RBX1: variants seen among roughly 807,000 people sequenced by gnomAD.
RBX1 encodes the protein ring-box 1, also known as E3 ubiquitin-protein ligase RBX1.
For synonymous variants in RBX1, 48 were observed against 47.9 expected (o/e 1.00, Z -0.01); for missense variants, 46 against 141.4 (o/e 0.33, Z 3.42).
intron 3 of RBX1, among the ~76,000 whole-genome samples, chr22:40,964,680 G>A (rs1225502017): frequency 1.3e-5 from 2 of 152,198 alleles, no homozygotes; most frequent in African/African-American, 4.8e-5. Flanking sequence ...GTTCTAGCAT[G>A]TGTTAAAAAT....
chr22:40,961,935 C>A (rs909708917), intron 2 of RBX1, among the ~76,000 whole-genome samples: 1 of 152,060 alleles, frequency 6.6e-6, no homozygotes, highest in African/African-American at 2.4e-5. Flanking sequence ...CAGATATCCA[C>A]CACCATGCCT....
intron 3 of RBX1, among the ~76,000 whole-genome samples, chr22:40,964,731 ATTGTC>A (rs1483154854): frequency 1.3e-5 from 2 of 152,144 alleles, no homozygotes; most frequent in African/African-American, 4.8e-5. Flanking sequence ...ATGAGCTAAA[ATTGTC>A]TTGTCAGGGC....
Position 40,953,749 on chromosome 22 carries a change from C to T in RBX1, c.157+116C>T, listed in dbSNP as rs1392611505. The T allele has an allele frequency of 9.9e-6, 7 of 709,198 alleles. No individual in the cohort carries two copies. In the East Asian group the frequency reaches 1.7e-4, roughly 17 times the overall value. 43.9% of individuals were successfully genotyped at this position (709,198 alleles called of 1,614,324 possible). On this transcript the variant is annotated intron_variant, in intron 2 of 4. Transcript: ENST00000216225. ...AGATAGCAAGCCTACTCTGAGCACT[C>T]GGTCTTCTGTATCTAGTCTGTTGGT...
intron 3 of RBX1, among the ~76,000 whole-genome samples, chr22:40,965,497 G>A (rs900270990): frequency 1.3e-5 from 2 of 151,024 alleles, no homozygotes; most frequent in African/African-American, 4.9e-5. Context: ...CTGGAGCGCA[G>A]TGACGCAGTC....
At chr22:40,971,006 A>G (rs571262641) in intron 4 of RBX1, among the ~76,000 whole-genome samples, 76 of 152,292 alleles carry the variant, frequency 5.0e-4, no homozygotes, top group Non-Finnish European at 8.1e-4. Context: ...CTTGCATTCT[A>G]CAGGGAACCA....
In RBX1 at chr22:40,972,542, C is replaced by T; in HGVS notation, c.*54C>T. Reference sequence around the variant, plus strand: ...GTTTTGTTATTCATTTAATGACTTTCCCTGCTGTTACCTAATTACAAATTG... The same window carrying T: ...GTTTTGTTATTCATTTAATGACTTTTCCTGCTGTTACCTAATTACAAATTG... On this transcript the variant is annotated 3_prime_UTR_variant, in exon 5 of 5. Transcript: ENST00000216225. The T allele has an allele frequency of 7.0e-7, 1 of 1,435,456 alleles. No individual in the cohort carries two copies. Among genetic ancestry groups the T allele is most frequent in the Non-Finnish European group, 9.8e-7 (1 of 1,020,758 alleles). The allele number at this position is 1,435,456 out of a possible 1,614,324, so 88.9% of individuals were successfully genotyped here.
chr22:40,971,188 T>G (rs926515424), intron 4 of RBX1, among the ~76,000 whole-genome samples: 26 of 152,310 alleles, frequency 1.7e-4, no homozygotes, highest in South Asian at 1.0e-3. Context: ...GAAGAATTCC[T>G]TATCTGGGGC....
intron 2 of RBX1, among the ~76,000 whole-genome samples, chr22:40,954,880 G>A (rs1325825256): frequency 6.6e-6 from 1 of 151,938 alleles, no homozygotes; most frequent in East Asian, 1.9e-4. Context: ...TCCGCCTCCC[G>A]AGTTCAAGTG....
At chr22:40,958,883 G>C (rs56080538) in intron 2 of RBX1, among the ~76,000 whole-genome samples, 60,141 of 151,788 alleles carry the variant, frequency 0.4, 13,840 homozygotes, top group East Asian at 0.74. Context: ...GCATGATCTC[G>C]GTGCACTGCA....
intron 2 of RBX1, among the ~76,000 whole-genome samples, chr22:40,959,767 C>T (rs1201374368): frequency 6.6e-6 from 1 of 152,082 alleles, no homozygotes; most frequent in African/African-American, 2.4e-5. Context: ...GCCAAGATTG[C>T]ACCAGTGCCC....
At chr22:40,954,085 A>G (rs1254461491) in intron 2 of RBX1, among the ~76,000 whole-genome samples, 1 of 152,172 alleles carries the variant, frequency 6.6e-6, no homozygotes, top group Non-Finnish European at 1.5e-5. Flanking sequence ...CCTGGCCAAC[A>G]TGGTGAAACC....
intron 2 of RBX1, among the ~76,000 whole-genome samples, chr22:40,958,830 T>TTGTC: frequency 6.6e-6 from 1 of 151,890 alleles, no homozygotes; most frequent in Non-Finnish European, 1.5e-5. Flanking sequence ...TTTGGTTTGT[T>TTGTC]TGAGACAGAG....
chr22:40,965,030 C>T (rs1174134038), intron 3 of RBX1, among the ~76,000 whole-genome samples: 4 of 152,202 alleles, frequency 2.6e-5, no homozygotes, highest in Non-Finnish European at 4.4e-5. Flanking sequence ...ATAGGCCGGA[C>T]GCGGTGGCTC....
chr22:40,951,620 C>A, intron 1 of RBX1, 144 bp downstream of exon 1: 1 of 764,194 alleles, frequency 1.3e-6, no homozygotes, highest in South Asian at 1.8e-5. Context: ...AGCCGGGGGG[C>A]GGGTCTTAGA....
intron 4 of RBX1, among the ~76,000 whole-genome samples, chr22:40,972,112 CA>C (rs1321531377): frequency 6.6e-6 from 1 of 152,206 alleles, no homozygotes; most frequent in Non-Finnish European, 1.5e-5. Flanking sequence ...CCCGAAAGTT[CA>C]AACTGTCTGA....
At chr22:40,953,924 T>C (rs976246771) in intron 2 of RBX1, among the ~76,000 whole-genome samples, 2 of 152,140 alleles carry the variant, frequency 1.3e-5, no homozygotes, top group Admixed American at 6.6e-5. Flanking sequence ...TCTTCCATCT[T>C]GTACCTAGAC....
intron 3 of RBX1, chr22:40,966,919 T>G (rs2058355902): frequency 6.6e-6 from 1 of 152,132 alleles, no homozygotes; most frequent in Admixed American, 6.6e-5. Context: ...GCAGAAGCAT[T>G]GTGATTAGCA....
chr22:40,953,491 G>T (rs985415501), intron 1 of RBX1, 64 bp from the exon 2 acceptor site: 13 of 1,082,414 alleles, frequency 1.2e-5, no homozygotes, highest in Non-Finnish European at 1.9e-5. Flanking sequence ...GCAGCCTGAG[G>T]TCCTAAAGAG....
chr22:40,955,048 A>G (rs906521211), intron 2 of RBX1, among the ~76,000 whole-genome samples: 1 of 151,680 alleles, frequency 6.6e-6, no homozygotes, highest in Non-Finnish European at 1.5e-5. Flanking sequence ...CTGCCTCCCA[A>G]AGTGTTGGGA....
Sources: allele counts gnomAD v4.1 joint callset (sites outside exome capture counted in the v4.1 genomes callset), GRCh38; gene constraint gnomAD v4.1.1; transcripts MANE v1.5; gene names NCBI Gene and HGNC (gene_info 2026-07-23, HGNC 2026-07-21).